Variants in IQSEC3 observed in about 807,000 individuals in gnomAD.
IQSEC3 encodes IQ motif and Sec7 domain ArfGEF 3, also known as IQ motif and SEC7 domain-containing protein 3.
In IQSEC3, 50 loss-of-function variants were observed where a neutral mutation model predicts 105.4. That is an observed-to-expected ratio of 0.47 (90% confidence interval 0.38 to 0.60). IQSEC3 has a LOEUF of 0.60. Ranked by LOEUF, IQSEC3 falls within the 20% of genes least tolerant of loss-of-function variation. The probability of loss-of-function intolerance (pLI) is 0.00; values close to 1 mark genes in which losing one functional copy is unlikely to be tolerated. For synonymous variants in IQSEC3, 708 were observed against 746.0 expected (o/e 0.95, Z 0.83); for missense variants, 1,415 against 1,630.0 (o/e 0.87, Z 2.27).
intron 1 of IQSEC3, among the ~76,000 whole-genome samples, chr12:69,344 C>T (rs533375507): frequency 2.6e-4 from 39 of 152,266 alleles, no homozygotes; most frequent in Non-Finnish European, 4.4e-4. Context: ...TGGTCCTGCT[C>T]GGAATCCTGG....
intron 3 of IQSEC3, among the ~76,000 whole-genome samples, chr12:134,331 G>C (rs565524477): frequency 1.2e-4 from 19 of 152,242 alleles, no homozygotes; most frequent in Non-Finnish European, 2.1e-4. Context: ...ACAGATGCAA[G>C]AATTTAAAAT....
chr12:141,440 T>A, intron 5 of IQSEC3, 155 bp downstream of exon 5: 1 of 759,580 alleles, frequency 1.3e-6, no homozygotes, highest in East Asian at 2.8e-5. Flanking sequence ...CTTTAGCCCA[T>A]CACCCCAGTG....
At chr12:147,392 C>T (rs941083972) in intron 5 of IQSEC3, among the ~76,000 whole-genome samples, 6 of 152,202 alleles carry the variant, frequency 3.9e-5, no homozygotes, top group South Asian at 2.1e-4. Flanking sequence ...CCGGGAGGGA[C>T]GTGCTGCTAA....
intron 2 of IQSEC3, among the ~76,000 whole-genome samples, chr12:109,379 A>G (rs1490363373): frequency 1.3e-5 from 2 of 151,900 alleles, no homozygotes; most frequent in African/African-American, 4.8e-5. Flanking sequence ...CCTAGTTCGG[A>G]TCTTCCTTAT....
intron 5 of IQSEC3, chr12:144,299 A>G (rs1565432529): frequency 6.6e-6 from 1 of 152,160 alleles, no homozygotes; most frequent in Non-Finnish European, 1.5e-5. Context: ...GAGAAAACAC[A>G]CACACTAACC....
intron 11 of IQSEC3, chr12:167,818 T>C (rs1454444121): frequency 6.6e-6 from 1 of 152,196 alleles, no homozygotes; most frequent in East Asian, 1.9e-4. Context: ...GGAAACAGGC[T>C]AAAAGCACTT....
chr12:113,735 T>A (rs1555080053), intron 2 of IQSEC3, among the ~76,000 whole-genome samples: 2 of 152,154 alleles, frequency 1.3e-5, no homozygotes. Context: ...ATGAACAGGA[T>A]ACTCATGTTT....
At chr12:129,217 C>A (rs1361505174) in intron 3 of IQSEC3, among the ~76,000 whole-genome samples, 1 of 152,178 alleles carries the variant, frequency 6.6e-6, no homozygotes, top group Non-Finnish European at 1.5e-5. Flanking sequence ...AGGTGGTGCT[C>A]GGGACACCTC....
Position 161,821 on chromosome 12 carries a change from C to A in IQSEC3, c.2444-105C>A, listed in dbSNP as rs534119050. ...AGGCATGGCAAGAACCAAGGCCACC[C>A]CCCGGGAGCTCCAGGCTGGATGGGG... On this transcript the variant is annotated intron_variant, in intron 7 of 13. Transcript: ENST00000538872. The A allele has an allele frequency of 1.4e-3, 1,659 of 1,200,634 alleles. 4 individuals carry two copies. Among genetic ancestry groups the A allele is most frequent in the Non-Finnish European group, 1.8e-3 (1,595 of 867,322 alleles). 74.4% of individuals were successfully genotyped at this position (1,200,634 alleles called of 1,614,324 possible).
intron 13 of IQSEC3, among the ~76,000 whole-genome samples, chr12:172,545 T>C (rs1253620104): frequency 6.6e-6 from 1 of 152,188 alleles, no homozygotes; most frequent in African/African-American, 2.4e-5. Context: ...CTCAGGGCCC[T>C]GCCAGCCTCT....
chr12:80,002 G>A (rs781915930), intron 1 of IQSEC3, among the ~76,000 whole-genome samples: 3 of 152,118 alleles, frequency 2.0e-5, no homozygotes, highest in Admixed American at 6.5e-5. Flanking sequence ...AAGAGCTGCC[G>A]CGTTCTTTTT....
Position 139,302 on chromosome 12 carries a change from A to G in IQSEC3, c.1939A>G (p.Thr647Ala), listed in dbSNP as rs1186259631. 9.4e-6 allele frequency: 15 copies of G among 1,602,554 alleles called. No homozygotes were observed. The highest frequency in any genetic ancestry group is 1.2e-5 in the Non-Finnish European group (14 of 1,175,452). Residue 647 changes from threonine (T) to alanine (A), a missense_variant, in exon 4 of 14, where the codon ACC (threonine) becomes GCC (alanine). Transcript: ENST00000538872. ...PASCKSPTLS[T>A]DTLRKRLYRI... is the part of the protein sequence containing the mutation. Reference sequence around the variant, plus strand: ...CAGCTGCAAGTCGCCCACGCTCTCCACCGACACCCTGCGCAAGCGGCTCTA... The same window carrying G: ...CAGCTGCAAGTCGCCCACGCTCTCCGCCGACACCCTGCGCAAGCGGCTCTA...
chr12:168,835 G>A (rs782262622), intron 11 of IQSEC3, 178 bp from the exon 12 acceptor site: 88 of 618,120 alleles, frequency 1.4e-4, no homozygotes, highest in Non-Finnish European at 2.2e-4. Flanking sequence ...CTGCGGCTCC[G>A]AGGGGGTATT....
chr12:145,969 G>A (rs1866249560), intron 5 of IQSEC3, among the ~76,000 whole-genome samples: 2 of 152,216 alleles, frequency 1.3e-5, no homozygotes, highest in African/African-American at 2.4e-5. Context: ...CCGGAAGAAA[G>A]CTTCCTGGGT....
chr12:124,521 G>C (rs984050023), intron 2 of IQSEC3, among the ~76,000 whole-genome samples: 2 of 152,176 alleles, frequency 1.3e-5, no homozygotes, highest in Non-Finnish European at 2.9e-5. Context: ...GACCTCCTAA[G>C]GTAGGAATTA....
At chr12:166,005 C>T in intron 11 of IQSEC3, 115 bp downstream of exon 11, 1 of 1,194,554 alleles carries the variant, frequency 8.4e-7, no homozygotes, top group Non-Finnish European at 1.2e-6. Context: ...CGGACCCTCC[C>T]CGTGTCCAGG....
At chr12:109,452 A>G (rs1289641240) in intron 2 of IQSEC3, among the ~76,000 whole-genome samples, 2 of 152,166 alleles carry the variant, frequency 1.3e-5, no homozygotes, top group Non-Finnish European at 2.9e-5. Flanking sequence ...ACAGCCTCTC[A>G]GTGAAACAGC....
At chr12:139,470 G>C (rs1865929048) in intron 4 of IQSEC3, 116 bp downstream of exon 4, 1 of 793,980 alleles carries the variant, frequency 1.3e-6, no homozygotes, top group Non-Finnish European at 2.0e-6. Context: ...GTCATGCCAG[G>C]GTCCTCCAGG....
chr12:66,908 T>C lies in IQSEC3; in HGVS notation c.26T>C (p.Val9Ala). ...ATGGAGAGCCTGCTGGAGAATCCGG[T>C]GCGCGCCGTGCTCTACCTCAAGGAG... MESLLENPVRAVLYLKELT... is the reference protein window; with the variant it reads MESLLENPARAVLYLKELT... Residue 9 changes from valine to alanine, a missense_variant, in exon 1 of 14, where the codon GTG (valine) becomes GCG (alanine). By Grantham distance (64) the Val-to-Ala change is moderately conservative. Transcript: ENST00000538872. 6.7e-7 allele frequency: 1 copy of C among 1,487,218 alleles called. No individual in the cohort carries two copies. Among genetic ancestry groups the C allele is most frequent in the Non-Finnish European group, 8.9e-7 (1 of 1,121,818 alleles). 92.1% of individuals were successfully genotyped at this position (1,487,218 alleles called of 1,614,324 possible). A position where few individuals can be genotyped will look rare whatever the true frequency, so the allele number is the denominator to read the frequency against.
Sources: allele counts gnomAD v4.1 joint callset (sites outside exome capture counted in the v4.1 genomes callset), GRCh38; gene constraint gnomAD v4.1.1; transcripts MANE v1.5; gene names NCBI Gene and HGNC (gene_info 2026-07-23, HGNC 2026-07-21).